The following SLC4A10 variants were observed in gnomAD, a reference collection of about 807,000 sequenced individuals.
SLC4A10 encodes sodium-driven chloride bicarbonate exchanger.
A neutral mutation model predicts 137.7 loss-of-function variants in SLC4A10; 42 were observed. That is an observed-to-expected ratio of 0.30 (90% CI 0.24 to 0.39). The LOEUF (loss-of-function observed/expected upper bound fraction) is 0.39. Ranked by LOEUF, SLC4A10 falls within the 10% of genes least tolerant of loss-of-function variation. SLC4A10 has a pLI of 1.00. For synonymous variants in SLC4A10, 474 were observed against 464.1 expected (o/e 1.02, Z -0.27); for missense variants, 925 against 1,355.0 (o/e 0.68, Z 4.98).
At chr2:161,858,703 T>C (rs2060235668) in intron 5 of SLC4A10, among the ~76,000 whole-genome samples, 1 of 152,192 alleles carries the variant, frequency 6.6e-6, no homozygotes, top group African/African-American at 2.4e-5. Context: ...GATGGAAATA[T>C]CCTCTCTGCA....
At chr2:161,905,352 T>C (rs1474287243) in intron 14 of SLC4A10, among the ~76,000 whole-genome samples, 6 of 152,184 alleles carry the variant, frequency 3.9e-5, no homozygotes, top group African/African-American at 1.4e-4. Context: ...ACAATAGGGC[T>C]TGTGCTCCTA....
intron 16 of SLC4A10, among the ~76,000 whole-genome samples, chr2:161,946,510 T>G (rs1693835998): frequency 6.6e-6 from 1 of 152,064 alleles, no homozygotes; most frequent in Non-Finnish European, 1.5e-5. Context: ...GCAATTCAAT[T>G]TATGTTCAGG....
chr2:161,749,138 C>T (rs556055386), intron 1 of SLC4A10, among the ~76,000 whole-genome samples: 155 of 152,060 alleles, frequency 1.0e-3, no homozygotes, highest in Non-Finnish European at 1.9e-3. Context: ...TATTTTGCTA[C>T]TTTACTGATT....
intron 7 of SLC4A10, among the ~76,000 whole-genome samples, chr2:161,873,322 A>G (rs1321421143): frequency 6.6e-6 from 1 of 152,116 alleles, no homozygotes; most frequent in African/African-American, 2.4e-5. Context: ...AATTCCTGAC[A>G]TTGTATATGT....
At chr2:161,882,547 G>A (rs2061880837) in intron 10 of SLC4A10, 103 bp downstream of exon 10, 1 of 606,176 alleles carries the variant, frequency 1.6e-6, no homozygotes, top group Non-Finnish European at 2.7e-6. Context: ...AGATTTCTCT[G>A]TATTGAATCC....
At chr2:161,761,677 T>C (rs778744618) in intron 1 of SLC4A10, among the ~76,000 whole-genome samples, 1 of 152,114 alleles carries the variant, frequency 6.6e-6, no homozygotes, top group Non-Finnish European at 1.5e-5. Flanking sequence ...CTTTAACTAG[T>C]AGATGTTAGG....
At chr2:161,670,487 C>G (rs79786760) in intron 1 of SLC4A10, among the ~76,000 whole-genome samples, 122 of 152,128 alleles carry the variant, frequency 8.0e-4, no homozygotes, top group African/African-American at 2.7e-3. Flanking sequence ...TCCTTCACTT[C>G]TTCCTGTATC....
intron 1 of SLC4A10, among the ~76,000 whole-genome samples, chr2:161,693,033 G>C (rs2042155330): frequency 6.6e-6 from 1 of 151,990 alleles, no homozygotes; most frequent in Admixed American, 6.6e-5. Flanking sequence ...TGATTGCCAT[G>C]TTCCCTTTTA....
chr2:161,660,212 A>T (rs997963855), intron 1 of SLC4A10, among the ~76,000 whole-genome samples: 1 of 152,220 alleles, frequency 6.6e-6, no homozygotes, highest in Non-Finnish European at 1.5e-5. Flanking sequence ...GAATTGCATG[A>T]CATTCTAGCA....
chr2:161,774,234 A>T (rs1312114763), intron 2 of SLC4A10, among the ~76,000 whole-genome samples: 1 of 151,878 alleles, frequency 6.6e-6, no homozygotes, highest in African/African-American at 2.4e-5. Context: ...TAAGTATAAG[A>T]TTATAAAATG....
chr2:161,637,809 G>A (rs2034673186), intron 1 of SLC4A10, among the ~76,000 whole-genome samples: 1 of 152,012 alleles, frequency 6.6e-6, no homozygotes. Flanking sequence ...CACTCTAACT[G>A]GAGTGATATC....
chr2:161,824,002 C>T (rs9636284), intron 3 of SLC4A10, among the ~76,000 whole-genome samples: 10,112 of 152,236 alleles, frequency 0.066, 444 homozygotes, highest in East Asian at 0.15. Flanking sequence ...AAGGCCTGGA[C>T]AATGAGAATC....
chr2:161,720,570 G>A (rs1057332405), intron 1 of SLC4A10, among the ~76,000 whole-genome samples: 28 of 152,052 alleles, frequency 1.8e-4, no homozygotes, highest in African/African-American at 6.0e-4. Flanking sequence ...TCCTGTATTG[G>A]GAGCATATAT....
chr2:161,772,133 T>G (rs748674378), intron 2 of SLC4A10, among the ~76,000 whole-genome samples: 1 of 151,878 alleles, frequency 6.6e-6, no homozygotes, highest in Non-Finnish European at 1.5e-5. Context: ...AAGAAGGTTA[T>G]GCTTACTGGG....
At chr2:161,726,669 G>A (rs955797178) in intron 1 of SLC4A10, among the ~76,000 whole-genome samples, 4 of 152,216 alleles carry the variant, frequency 2.6e-5, no homozygotes, top group Non-Finnish European at 5.9e-5. Flanking sequence ...AGCACTTTGG[G>A]AGGCCGAGGC....
intron 4 of SLC4A10, among the ~76,000 whole-genome samples, chr2:161,841,680 A>C (rs1473913841): frequency 6.6e-6 from 1 of 152,196 alleles, no homozygotes; most frequent in Non-Finnish European, 1.5e-5. Context: ...AAAAACACTA[A>C]AAACGAGACA....
chr2:161,658,544 G>T (rs1354932618), intron 1 of SLC4A10, among the ~76,000 whole-genome samples: 1 of 150,264 alleles, frequency 6.7e-6, no homozygotes, highest in African/African-American at 2.4e-5. Context: ...CCAACAAAAA[G>T]TATTGAGACA....
intron 15 of SLC4A10, among the ~76,000 whole-genome samples, chr2:161,907,248 G>A (rs1214140542): frequency 6.6e-6 from 1 of 152,156 alleles, no homozygotes; most frequent in Non-Finnish European, 1.5e-5. Context: ...TGAGAATATT[G>A]TAAACAGGGC....
chr2:161,851,461 G>T (rs1254515852), intron 4 of SLC4A10, among the ~76,000 whole-genome samples: 2 of 152,104 alleles, frequency 1.3e-5, no homozygotes, highest in Non-Finnish European at 2.9e-5. Context: ...TTATTTTTAT[G>T]TAATCCTCTT....
Sources: gnomAD v4.1 joint callset for allele counts (sites outside exome capture counted in the v4.1 genomes callset) on GRCh38, gnomAD v4.1.1 for gene constraint, MANE v1.5 for transcripts, NCBI Gene and HGNC (gene_info 2026-07-23, HGNC 2026-07-21) for gene names.